The following CBR4 variants were observed in gnomAD, a reference collection of about 807,000 sequenced individuals.
CBR4 encodes the protein carbonyl reductase 4.
Under a neutral mutation model 21.0 loss-of-function variants are expected in CBR4, and 22 were observed. That is an observed-to-expected ratio of 1.05 (90% confidence interval 0.75 to 1.50). CBR4 has a LOEUF of 1.50. Ranked by LOEUF, CBR4 falls within the 40% of genes most tolerant of loss-of-function variation. The pLI is 0.00. For missense variants in CBR4, 302 were observed against 286.3 expected (o/e 1.05, Z -0.40); for synonymous variants, 100 against 104.4 (o/e 0.96, Z 0.26).
In CBR4 at chr4:168,940,009, T is replaced by C. The variant is rs546485199; in HGVS notation, n.170-45244A>G. Among the ~76,000 whole-genome samples, 53 of 152,300 alleles carry C rather than the reference T, an allele frequency of 3.5e-4. No homozygotes were observed. The South Asian group carries it at 0.011, about 31-fold the overall frequency. ...CAATCCTAAGCAAAAAGAATAAAGC[T>C]GGAGGCATCATGCTACCTGACTTCA... On this transcript the variant is annotated intron_variant and non_coding_transcript_variant, in intron 2 of 3. Transcript: ENST00000509108.
intron 2 of CBR4, among the ~76,000 whole-genome samples, chr4:168,973,284 G>C (rs567300495): frequency 5.8e-4 from 89 of 152,218 alleles, no homozygotes; most frequent in Admixed American, 2.8e-3. Flanking sequence ...GGTAATACTG[G>C]CTTCATAGAA....
chr4:169,008,693 T>C (rs1037396597), intron 1 of CBR4, among the ~76,000 whole-genome samples: 2 of 152,264 alleles, frequency 1.3e-5, no homozygotes, highest in Middle Eastern at 3.4e-3. Flanking sequence ...ACAACCACCT[T>C]TGAAAGCCCA....
At chr4:168,917,778 T>C (rs1760501295) in intron 2 of CBR4, among the ~76,000 whole-genome samples, 1 of 152,182 alleles carries the variant, frequency 6.6e-6, no homozygotes, top group Non-Finnish European at 1.5e-5. Context: ...ATACACAAAT[T>C]GTGTTTCAGT....
Position 168,989,994 on chromosome 4 carries a change from GTTCTT to G in CBR4, c.*151_*155del. The G allele has an allele frequency of 8.1e-7, 1 of 1,240,020 alleles. No individual in the cohort carries two copies. The highest frequency in any genetic ancestry group is 3.2e-5 in the South Asian group (1 of 31,170). The allele number at this position is 1,240,020 out of a possible 1,614,324, so 76.8% of individuals were successfully genotyped here. On this transcript the variant is annotated 3_prime_UTR_variant, in exon 5 of 5. Coordinates refer to ENST00000306193, the MANE Select transcript of CBR4 (RefSeq NM_032783.5). ...AAAAAACCACAATTTGTCACACATT[GTTCTT>G]TTGAGACATATTTTTATAAAGACAG...
At position 168,915,284 on chromosome 4, in the gene CBR4, C is replaced by T. The variant is rs902580759; in HGVS notation, n.170-20519G>A. ...AAGTCTTCCCTGCGATTACTTTCAA[C>T]TGTATTCCTCTTAAAGGTTTCTCTG... On this transcript the variant is annotated intron_variant and non_coding_transcript_variant, in intron 2 of 3. Transcript: ENST00000509108. Among the ~76,000 whole-genome samples the T allele has an allele frequency of 5.3e-5, 8 of 152,210 alleles. No homozygotes were observed. In the South Asian group the frequency reaches 6.2e-4, roughly 12 times the overall value.
intron 2 of CBR4, among the ~76,000 whole-genome samples, chr4:168,895,724 A>G (rs2151227632): frequency 6.6e-6 from 1 of 152,368 alleles, no homozygotes; most frequent in East Asian, 1.9e-4. Context: ...AAGAAAATCC[A>G]TATATAAGTG....
intron 2 of CBR4, among the ~76,000 whole-genome samples, chr4:168,959,557 A>ATTTC (rs1553990304): frequency 0.092 from 5,423 of 59,006 alleles, 583 homozygotes; most frequent in African/African-American, 0.22. Context: ...CAGCTTATCA[A>ATTTC]TTTCTTTTTT....
intron 3 of CBR4, among the ~76,000 whole-genome samples, chr4:169,002,730 C>T (rs942122451): frequency 3.4e-5 from 5 of 145,180 alleles, no homozygotes; most frequent in Admixed American, 1.4e-4. Flanking sequence ...TTGTGCTTTG[C>T]AGATATTGCA....
At chr4:168,963,019 T>C (rs1300545859) in intron 2 of CBR4, among the ~76,000 whole-genome samples, 2 of 152,190 alleles carry the variant, frequency 1.3e-5, no homozygotes, top group Non-Finnish European at 2.9e-5. Context: ...TTTTGAGCAT[T>C]AGGAACCTAT....
chr4:168,984,743 C>G (rs1181910842), downstream of CBR4, among the ~76,000 whole-genome samples: 1 of 152,054 alleles, frequency 6.6e-6, no homozygotes, highest in Non-Finnish European at 1.5e-5. Context: ...GTTAGAGAAT[C>G]CAGAAATAAA....
intron 2 of CBR4, among the ~76,000 whole-genome samples, chr4:168,933,149 T>G (rs559824367): frequency 6.6e-6 from 1 of 152,216 alleles, no homozygotes; most frequent in East Asian, 1.9e-4. Context: ...CGACAAGAGT[T>G]AAGTCCTCAC....
intron 2 of CBR4, among the ~76,000 whole-genome samples, chr4:168,964,552 C>T (rs905924045): frequency 6.6e-6 from 1 of 152,122 alleles, no homozygotes; most frequent in Admixed American, 6.5e-5. Context: ...CAAAGAAACC[C>T]AGCCACTATA....
At chr4:169,002,263 T>C in intron 3 of CBR4, 58 bp from the exon 4 acceptor site, 1 of 1,336,356 alleles carries the variant, frequency 7.5e-7, no homozygotes, top group Admixed American at 3.3e-5. Flanking sequence ...TTAATGGGGT[T>C]ACTTGAAAAT....
chr4:168,991,691 C>T (rs796450376), intron 4 of CBR4, among the ~76,000 whole-genome samples: 1 of 152,096 alleles, frequency 6.6e-6, no homozygotes, highest in Non-Finnish European at 1.5e-5. Context: ...AAGATTAATA[C>T]AGGACATACA....
intron 2 of CBR4, among the ~76,000 whole-genome samples, chr4:168,946,577 T>C (rs975988214): frequency 6.7e-6 from 1 of 148,976 alleles, no homozygotes; most frequent in Admixed American, 6.9e-5. Context: ...AAATGTAAAG[T>C]AATGTCACTC....
intron 2 of CBR4, among the ~76,000 whole-genome samples, chr4:168,966,261 C>A (rs1484862880): frequency 2.0e-5 from 3 of 150,228 alleles, no homozygotes; most frequent in African/African-American, 7.3e-5. Flanking sequence ...CGACTGTAAT[C>A]CTAGCACTTT....
intron 2 of CBR4, among the ~76,000 whole-genome samples, chr4:168,980,344 CTACCT>C (rs746173733): frequency 6.6e-6 from 1 of 152,180 alleles, no homozygotes; most frequent in Non-Finnish European, 1.5e-5. Context: ...GAGCAAGAGC[CTACCT>C]ACTGGCCAGT....
rs2126853145 is a variant in CBR4, at chr4:169,002,074, G to A, written c.532C>T (p.Pro178Ser). The A allele has an allele frequency of 6.4e-7, 1 of 1,571,416 alleles. No individual in the cohort carries two copies. The highest frequency in any genetic ancestry group is 1.9e-4 in the Middle Eastern group (1 of 5,204). Residue 178 changes from proline (P) to serine (S), a missense_variant, in exon 4 of 5, where the codon CCA becomes TCA. By Grantham distance (74) the Pro-to-Ser change is moderately conservative. Coordinates refer to ENST00000306193, the MANE Select transcript of CBR4 (RefSeq NM_032783.5). ...TTTTAATAAAGTTTTCACTAACCTG[G>A]TGCAACTACATTCACTCTAATTTTC... Reference protein sequence around the residue: ...RKKIRVNVVAPGFVHTDMTKD... With the variant: ...RKKIRVNVVASGFVHTDMTKD...
intron 3 of CBR4, among the ~76,000 whole-genome samples, chr4:169,002,577 G>A (rs1395656271): frequency 6.6e-6 from 1 of 152,116 alleles, no homozygotes; most frequent in East Asian, 1.9e-4. Context: ...GAAAAAGTCA[G>A]ACAAAAGCTG....
Sources: allele counts gnomAD v4.1 joint callset (sites outside exome capture counted in the v4.1 genomes callset), GRCh38; gene constraint gnomAD v4.1.1; transcripts MANE v1.5; gene names NCBI Gene and HGNC (gene_info 2026-07-23, HGNC 2026-07-21).